The following INSL6 variants were observed in gnomAD, a reference collection of about 807,000 sequenced individuals.
The protein encoded by INSL6 is insulin-like peptide INSL6.
A neutral mutation model predicts 9.4 loss-of-function variants in INSL6; 16 were observed. The ratio of observed to expected loss-of-function variants is 1.70; its 90% confidence interval spans 1.15 to 2.59. INSL6 has a LOEUF of 2.59. Among genes scored for constraint, INSL6 ranks in the 30% most tolerant of loss-of-function variants. INSL6 has a pLI of 0.00. For missense variants in INSL6, 391 were observed against 257.3 expected, an observed-to-expected ratio of 1.52 and a Z score of -3.56; for synonymous variants, 154 against 96.9, an observed-to-expected ratio of 1.59 and a Z score of -3.46.
chr9:5,112,114 G>T, the INSL6 span: 1 of 329,192 alleles, frequency 3.0e-6, no homozygotes, highest in Non-Finnish European at 6.1e-6. Flanking sequence ...GGGCATCCAC[G>T]TGCTCTGCAG....
the INSL6 span, chr9:5,055,622 C>T: frequency 2.1e-6 from 3 of 1,429,886 alleles, no homozygotes; most frequent in East Asian, 2.3e-5. Flanking sequence ...TTTAAAATGG[C>T]TCTGTAAATT....
At chr9:4,997,302 A>T in the INSL6 span, among the ~76,000 whole-genome samples, 83 of 152,216 alleles carry the variant, frequency 5.5e-4, no homozygotes, top group Admixed American at 3.4e-3. Context: ...AAAGAGATTT[A>T]ATTGGCTCAT....
chr9:5,185,581 A>T lies in INSL6; in HGVS notation c.22T>A (p.Ser8Thr), dbSNP rs144087410. The change falls in exon 1 of 2, where the codon TCC becomes ACC. Residue 8 changes from serine to threonine, a missense_variant. Coordinates refer to ENST00000381641, the MANE Select transcript of INSL6 (RefSeq NM_007179.3). Reference protein sequence around the residue: MPRLLRLSLLWLGLLLVR... With the variant: MPRLLRLTLLWLGLLLVR... Reference sequence around the variant, plus strand: ...AGCAGGAGTCCAAGCCACAGCAGGGACAAGCGGAGGAGCCGCGGCATCCCT... The same window carrying T: ...AGCAGGAGTCCAAGCCACAGCAGGGTCAAGCGGAGGAGCCGCGGCATCCCT... 5,422 of 1,613,664 alleles carry T rather than the reference A, an allele frequency of 3.4e-3. 16 individuals are homozygous for T. The highest frequency in any genetic ancestry group is 4.1e-3 in the Non-Finnish European group (4,802 of 1,179,954).
At chr9:5,096,102 T>G in the INSL6 span, among the ~76,000 whole-genome samples, 1 of 152,208 alleles carries the variant, frequency 6.6e-6, no homozygotes, top group South Asian at 2.1e-4. Context: ...TGTAGTTTTA[T>G]ATATGCCTAA....
At chr9:5,169,827 A>G (rs192825402) in intron 1 of INSL6, among the ~76,000 whole-genome samples, 1 of 152,354 alleles carries the variant, frequency 6.6e-6, no homozygotes, top group East Asian at 1.9e-4. Flanking sequence ...TATCCTAAAT[A>G]TATATGCACC....
the INSL6 span, chr9:5,096,661 C>T: frequency 1.3e-5 from 2 of 152,062 alleles, no homozygotes; most frequent in African/African-American, 4.8e-5. Flanking sequence ...CCCTTTTTTC[C>T]ACTTATGTTC....
downstream of INSL6, among the ~76,000 whole-genome samples, chr9:5,122,415 A>AT (rs555068117): frequency 1.3e-5 from 2 of 151,956 alleles, no homozygotes; most frequent in Admixed American, 6.6e-5. Context: ...CTTGGAACCA[A>AT]TTTTTTTCTC....
the INSL6 span, among the ~76,000 whole-genome samples, chr9:5,093,646 C>T: frequency 0.25 from 38,466 of 151,934 alleles, 5,093 homozygotes; most frequent in African/African-American, 0.32. Context: ...ATTCAACCTC[C>T]GAACAACCTA....
At chr9:5,004,689 T>C in the INSL6 span, among the ~76,000 whole-genome samples, 1 of 152,204 alleles carries the variant, frequency 6.6e-6, no homozygotes, top group Non-Finnish European at 1.5e-5. Context: ...TTTTAATTTT[T>C]TGAGGAACCT....
chr9:5,033,390 C>T, the INSL6 span, among the ~76,000 whole-genome samples: 24 of 152,210 alleles, frequency 1.6e-4, no homozygotes, highest in South Asian at 1.0e-3. Flanking sequence ...ATAGAGAGAA[C>T]GCCACAAAGA....
the INSL6 span, among the ~76,000 whole-genome samples, chr9:5,020,616 G>A: frequency 6.6e-6 from 1 of 152,144 alleles, no homozygotes; most frequent in Non-Finnish European, 1.5e-5. Flanking sequence ...TGATGAAGCT[G>A]TACTCAGGGT....
chr9:5,046,824 G>A, the INSL6 span, among the ~76,000 whole-genome samples: 2 of 152,094 alleles, frequency 1.3e-5, no homozygotes, highest in Non-Finnish European at 2.9e-5. Flanking sequence ...ACAACTTTCT[G>A]TTGCTTTTAC....
chr9:5,024,420 T>C, the INSL6 span, among the ~76,000 whole-genome samples: 1 of 152,274 alleles, frequency 6.6e-6, no homozygotes, highest in Non-Finnish European at 1.5e-5. Context: ...TGGCTCTGTG[T>C]TGGGGCTCTC....
At chr9:5,150,018 T>C (rs539277263) in intron 2 of INSL6, among the ~76,000 whole-genome samples, 1 of 152,336 alleles carries the variant, frequency 6.6e-6, no homozygotes, top group African/African-American at 2.4e-5. Context: ...AGTTTAAAAA[T>C]GGTGCTAGGA....
the INSL6 span, among the ~76,000 whole-genome samples, chr9:5,076,510 TA>T: frequency 6.6e-6 from 1 of 152,150 alleles, no homozygotes; most frequent in African/African-American, 2.4e-5. Flanking sequence ...AAAGTATTTT[TA>T]AAAAGATATA....
the INSL6 span, among the ~76,000 whole-genome samples, chr9:5,049,305 C>CA: frequency 2.0e-5 from 3 of 152,182 alleles, no homozygotes; most frequent in African/African-American, 7.2e-5. Context: ...AGGGTACCTG[C>CA]AGTCGGACCC....
At chr9:5,089,537 CAAAAAAAAA>C in the INSL6 span, 184 of 87,054 alleles carry the variant, frequency 2.1e-3, no homozygotes, top group Admixed American at 6.1e-3. Flanking sequence ...GACTTCGTCT[CAAAAAAAAA>C]AAAAAAAAAA....
chr9:5,008,501 C>T, the INSL6 span, among the ~76,000 whole-genome samples: 1 of 152,210 alleles, frequency 6.6e-6, no homozygotes, highest in African/African-American at 2.4e-5. Context: ...AGTAAATGTT[C>T]TAAAGAAATA....
the INSL6 span, among the ~76,000 whole-genome samples, chr9:5,039,746 A>G: frequency 6.6e-6 from 1 of 152,148 alleles, no homozygotes. Context: ...TAGCATAACA[A>G]ATTTTTAGGA....
Sources: gnomAD v4.1 joint callset for allele counts (sites outside exome capture counted in the v4.1 genomes callset) on GRCh38, gnomAD v4.1.1 for gene constraint, MANE v1.5 for transcripts, NCBI Gene and HGNC (gene_info 2026-07-23, HGNC 2026-07-21) for gene names.